The following ICE2 variants were observed in gnomAD, a reference collection of about 807,000 sequenced individuals.
ICE2 encodes interactor of little elongation complex ELL subunit 2.
Under a neutral mutation model 105.4 loss-of-function variants are expected in ICE2, and 87 were observed. That is an observed-to-expected ratio of 0.83 (90% CI 0.69 to 0.99). The LOEUF is 0.99. Ranked by LOEUF, ICE2 falls within the 50% of genes least tolerant of loss-of-function variation. The pLI is 0.00. For synonymous variants in ICE2, 399 were observed against 392.0 expected, an observed-to-expected ratio of 1.02 and a Z score of -0.21; for missense variants, 1,323 against 1,146.7, an observed-to-expected ratio of 1.15 and a Z score of -2.22.
intron 6 of ICE2, among the ~76,000 whole-genome samples, chr15:60,455,753 G>C (rs1259246864): frequency 6.6e-6 from 1 of 152,038 alleles, no homozygotes. Flanking sequence ...GAATAGCTGG[G>C]ATAACAGGTG....
At chr15:60,438,787 T>C (rs965068487) in intron 12 of ICE2, 4 of 152,182 alleles carry the variant, frequency 2.6e-5, no homozygotes, top group African/African-American at 7.2e-5. Flanking sequence ...ATAAGATATA[T>C]ATGTGCTTAA....
intron 5 of ICE2, among the ~76,000 whole-genome samples, chr15:60,457,829 C>T (rs976987621): frequency 2.0e-5 from 3 of 152,160 alleles, no homozygotes; most frequent in Non-Finnish European, 4.4e-5. Context: ...GAGTCAACTG[C>T]AAACTCGTAT....
At position 60,477,990 on chromosome 15, in the gene ICE2, C is replaced by G. The variant is rs112085567; in HGVS notation, c.-13G>C. ...TCTTGGAGCTCATCTTCCTAGATTT[C>G]TGCTTCACTCTAGCTCACAGTTCAC... On this transcript the variant is annotated 5_prime_UTR_variant, in exon 2 of 16. Coordinates refer to ENST00000261520, the MANE Select transcript of ICE2 (RefSeq NM_024611.6). The G allele has an allele frequency of 2.4e-3, 3,947 of 1,613,610 alleles. 89 individuals carry two copies. The African/African-American group carries it at 0.048, about 20-fold the overall frequency.
chr15:60,446,623 C>T lies in ICE2; in HGVS notation c.2295+1347G>A, dbSNP rs1427797747. ...TGTTAGCCAGGATGGTCTCAATCTCCTGACCTCGTGATCTGCCCACCTCGG... is the reference window on the plus strand; with the variant it reads ...TGTTAGCCAGGATGGTCTCAATCTCTTGACCTCGTGATCTGCCCACCTCGG... On this transcript the variant is annotated intron_variant, in intron 11 of 15. Coordinates refer to ENST00000261520, the MANE Select transcript of ICE2 (RefSeq NM_024611.6). Among the ~76,000 whole-genome samples the T allele has an allele frequency of 2.0e-5, 3 of 152,132 alleles. No individual in the cohort carries two copies. The East Asian group carries it at 5.8e-4, about 29-fold the overall frequency.
In ICE2 at chr15:60,420,690, T is replaced by A. The variant is rs2063233981; in HGVS notation, c.*2944A>T. 6.6e-6 allele frequency: 1 copy of A among 152,256 alleles called. No homozygotes were observed. The highest frequency in any genetic ancestry group is 1.5e-5 in the Non-Finnish European group (1 of 68,058). 9.4% of individuals were successfully genotyped at this position (152,256 alleles called of 1,614,324 possible). A position where few individuals can be genotyped will look rare whatever the true frequency, so the allele number is the denominator to read the frequency against. On this transcript the variant is annotated 3_prime_UTR_variant, in exon 16 of 16. Transcript: ENST00000261520. ...TTGTGGAAGACCTTTAATTTTCCCT[T>A]ATAAATCCTACTATTTTTAAAAGAC...
intron 9 of ICE2, among the ~76,000 whole-genome samples, chr15:60,450,235 G>A (rs1022787102): frequency 1.1e-4 from 16 of 152,174 alleles, no homozygotes; most frequent in Admixed American, 7.9e-4. Flanking sequence ...GGTCTTAGCT[G>A]ACCAGGAGGA....
chr15:60,423,583 T>G lies in ICE2; in HGVS notation c.*51A>C. On this transcript the variant is annotated 3_prime_UTR_variant, in exon 16 of 16. Transcript: ENST00000261520. ...TATTTTCCCTCAAACTTATCTAAAT[T>G]AAACACTGTTATAACTGTTTTTTTA... is the stretch of plus-strand genomic sequence containing the variant. The G allele has an allele frequency of 6.6e-7, 1 of 1,514,226 alleles. No homozygotes were observed. The highest frequency in any genetic ancestry group is 8.9e-7 in the Non-Finnish European group (1 of 1,129,214). 93.8% of individuals were successfully genotyped at this position (1,514,226 alleles called of 1,614,324 possible).
chr15:60,475,989 G>C, intron 3 of ICE2, 74 bp downstream of exon 3: 1 of 918,812 alleles, frequency 1.1e-6, no homozygotes, highest in Non-Finnish European at 1.7e-6. Flanking sequence ...TAATACTAGA[G>C]ATACACATAA....
At chr15:60,435,599 C>CA (rs61054838) in intron 13 of ICE2, among the ~76,000 whole-genome samples, 71 of 143,442 alleles carry the variant, frequency 4.9e-4, no homozygotes, top group African/African-American at 1.8e-3. Flanking sequence ...AACTCTGTCT[C>CA]AAAAAAAAAA....
chr15:60,432,899 C>G (rs1207698666), intron 13 of ICE2, among the ~76,000 whole-genome samples: 1 of 151,868 alleles, frequency 6.6e-6, no homozygotes, highest in Admixed American at 6.6e-5. Context: ...CTCAAAAAAC[C>G]AAAACCAAAA....
At chr15:60,460,425 G>A (rs573877814) in intron 5 of ICE2, among the ~76,000 whole-genome samples, 6 of 152,338 alleles carry the variant, frequency 3.9e-5, no homozygotes, top group Admixed American at 1.3e-4. Flanking sequence ...TGGAACCCGC[G>A]AGGGAGAGGA....
intron 2 of ICE2, among the ~76,000 whole-genome samples, chr15:60,476,928 A>C (rs1433775359): frequency 6.6e-6 from 1 of 152,228 alleles, no homozygotes; most frequent in Non-Finnish European, 1.5e-5. Context: ...TGCCGGTGGT[A>C]TACAAGAGCA....
At chr15:60,476,923 G>T (rs2064778020) in intron 2 of ICE2, among the ~76,000 whole-genome samples, 1 of 152,142 alleles carries the variant, frequency 6.6e-6, no homozygotes, top group South Asian at 2.1e-4. Flanking sequence ...CACAATGCCG[G>T]TGGTATACAA....
chr15:60,444,723 T>A (rs2063786340), intron 11 of ICE2, among the ~76,000 whole-genome samples: 1 of 152,150 alleles, frequency 6.6e-6, no homozygotes, highest in Non-Finnish European at 1.5e-5. Context: ...TCACTCTTGT[T>A]GTCTAGGCTG....
chr15:60,458,523 T>C (rs1316765586), intron 5 of ICE2, among the ~76,000 whole-genome samples: 3 of 152,080 alleles, frequency 2.0e-5, no homozygotes, highest in Non-Finnish European at 4.4e-5. Context: ...AGAAAACCTA[T>C]GAAAGGTGAG....
chr15:60,447,202 T>G (rs2063841271), intron 11 of ICE2, among the ~76,000 whole-genome samples: 1 of 152,148 alleles, frequency 6.6e-6, no homozygotes, highest in Non-Finnish European at 1.5e-5. Flanking sequence ...AGACCTTACA[T>G]ATGTGTGAAA....
intron 3 of ICE2, among the ~76,000 whole-genome samples, chr15:60,472,021 A>G (rs2064612495): frequency 6.6e-6 from 1 of 151,960 alleles, no homozygotes; most frequent in African/African-American, 2.4e-5. Flanking sequence ...CTTAAAACTC[A>G]GTTACGAGTA....
At chr15:60,461,148 T>G (rs978258632) in intron 5 of ICE2, among the ~76,000 whole-genome samples, 8 of 152,166 alleles carry the variant, frequency 5.3e-5, no homozygotes, top group African/African-American at 1.9e-4. Flanking sequence ...GACTCCAGTC[T>G]GAGAATCACT....
intron 13 of ICE2, among the ~76,000 whole-genome samples, chr15:60,433,437 G>A (rs1319972375): frequency 3.3e-5 from 5 of 151,982 alleles, no homozygotes; most frequent in South Asian, 2.1e-4. Flanking sequence ...CCTAAAGTCC[G>A]TCTGTCCATC....
Sources: gnomAD v4.1 joint callset for allele counts (sites outside exome capture counted in the v4.1 genomes callset) on GRCh38, gnomAD v4.1.1 for gene constraint, MANE v1.5 for transcripts, NCBI Gene and HGNC (gene_info 2026-07-23, HGNC 2026-07-21) for gene names.